The following DENND6B variants were observed in gnomAD, a reference collection of about 807,000 sequenced individuals.
DENND6B encodes the protein DENN domain containing 6B, also known as protein DENND6B.
DENND6B carries 73 observed loss-of-function variants against 85.1 expected under a neutral mutation model. The observed-to-expected ratio is 0.86, with a 90% CI of 0.71 to 1.04. The LOEUF (loss-of-function observed/expected upper bound fraction) is 1.04, where lower values mean the gene tolerates loss of function less well. Among genes scored for constraint, DENND6B ranks in the 50% least tolerant of loss-of-function variants. The pLI is 0.00. For synonymous variants in DENND6B, 357 were observed against 329.3 expected (o/e 1.08, Z -0.91); for missense variants, 715 against 785.8 (o/e 0.91, Z 1.08).
intron 1 of DENND6B, among the ~76,000 whole-genome samples, chr22:50,321,153 G>A (rs1208360720): frequency 6.6e-6 from 1 of 152,108 alleles, no homozygotes; most frequent in Non-Finnish European, 1.5e-5. Context: ...TTTGGAGAAG[G>A]CACATGCAGG....
At chr22:50,319,093 C>A (rs764521383) in intron 1 of DENND6B, 90 bp from the exon 2 acceptor site, 1 of 1,545,226 alleles carries the variant, frequency 6.5e-7, no homozygotes. Flanking sequence ...ACCGTCCCAG[C>A]AGCTGCAGCA....
chr22:50,314,565 G>A lies in DENND6B; in HGVS notation c.977+40C>T, dbSNP rs1018398902. ...AGGTGCAGGAAGGGCGAGAGGCAGG[G>A]CGGAGCAAGGGCAAGAGGCGGGGCA... On this transcript the variant is annotated intron_variant, in intron 11 of 19. Transcript: ENST00000413817. 3 of 1,554,884 alleles carry A rather than the reference G, an allele frequency of 1.9e-6. No individual in the cohort carries two copies. In the South Asian group the frequency reaches 3.6e-5, roughly 18 times the overall value.
chr22:50,322,552 T>C (rs2042078236), intron 1 of DENND6B, among the ~76,000 whole-genome samples: 1 of 152,168 alleles, frequency 6.6e-6, no homozygotes, highest in Non-Finnish European at 1.5e-5. Context: ...AATTTTTGTC[T>C]TTTTTTGTTT....
Position 50,317,287 on chromosome 22 carries a change from G to A in DENND6B, c.453+6C>T, listed in dbSNP as rs763382046. The A allele has an allele frequency of 3.2e-5, 51 of 1,612,406 alleles. 1 individual carries two copies. The highest frequency in any genetic ancestry group is 4.2e-5 in the Non-Finnish European group (50 of 1,179,526). On this transcript the variant is annotated splice_donor_region_variant and intron_variant, in intron 5 of 19. Coordinates refer to ENST00000413817, the MANE Select transcript of DENND6B (RefSeq NM_001001794.4). Reference sequence around the variant, plus strand: ...GGTGCCAGCCCAGAGTGGCCAAGCAGCGCACCTTCTGGAAGTAGCCCCTCT... The same window carrying A: ...GGTGCCAGCCCAGAGTGGCCAAGCAACGCACCTTCTGGAAGTAGCCCCTCT...
chr22:50,323,528 C>T (rs2042113744), intron 1 of DENND6B, among the ~76,000 whole-genome samples: 3 of 151,324 alleles, frequency 2.0e-5, no homozygotes, highest in South Asian at 2.1e-4. Context: ...TCATGCAATC[C>T]GCCTGCCTCA....
chr22:50,313,009 C>T lies in DENND6B; in HGVS notation c.1447G>A (p.Gly483Ser). 6.4e-7 allele frequency: 1 copy of T among 1,557,860 alleles called. No homozygotes were observed. The highest frequency in any genetic ancestry group is 8.7e-7 in the Non-Finnish European group (1 of 1,151,458). ...LTCILKGDWLGLYRRFFKSPH... is the reference protein window; with the variant it reads ...LTCILKGDWLSLYRRFFKSPH... Reference sequence around the variant, plus strand: ...CTGCAGTCCACGCACCTGTAGAGACCCAGCCAGTCGCCCTTGAGGATGCAG... The same window carrying T: ...CTGCAGTCCACGCACCTGTAGAGACTCAGCCAGTCGCCCTTGAGGATGCAG... The change falls in exon 17 of 20, where the codon GGT (glycine) becomes AGT (serine). Residue 483 changes from glycine to serine, a missense_variant. Transcript: ENST00000413817.
intron 13 of DENND6B, 138 bp downstream of exon 13, chr22:50,314,068 CA>C: frequency 7.7e-7 from 1 of 1,306,360 alleles, no homozygotes; most frequent in Non-Finnish European, 1.0e-6. Context: ...GACCCCTCCC[CA>C]AGGGTTCTGA....
At position 50,312,265 on chromosome 22, in the gene DENND6B, G is replaced by C. The variant is rs1259973821; in HGVS notation, c.1636-4C>G. 1.9e-5 allele frequency: 30 copies of C among 1,612,016 alleles called. No homozygotes were observed. The highest frequency in any genetic ancestry group is 2.5e-5 in the Non-Finnish European group (29 of 1,179,610). On this transcript the variant is annotated splice_polypyrimidine_tract_variant and splice_region_variant and intron_variant, in intron 19 of 19. Coordinates refer to ENST00000413817, the MANE Select transcript of DENND6B (RefSeq NM_001001794.4). The stretch of plus-strand genomic sequence containing the variant: ...GCTGGTGGCCCTGAGCCCGCACCTG[G>C]AGGGGCAGCCATGGTCAGGGCAGGC...
In DENND6B at chr22:50,315,744, A is replaced by G; in HGVS notation, c.728T>C (p.Leu243Pro). 3 of 1,554,592 alleles carry G rather than the reference A, an allele frequency of 1.9e-6. No homozygotes were observed. The highest frequency in any genetic ancestry group is 2.6e-6 in the Non-Finnish European group (3 of 1,151,010). ...CAGGTCCAGCTCGTGGACGCTAGCAAGAACCACTGGGGCTGGCAGCAGGTT... is the reference window on the plus strand; with the variant it reads ...CAGGTCCAGCTCGTGGACGCTAGCAGGAACCACTGGGGCTGGCAGCAGGTT... ...QENLLPAPVV[L>P]ASVHELDLFR... Residue 243 changes from leucine to proline, a missense_variant, in exon 9 of 20, where the codon CTT becomes CCT. Transcript: ENST00000413817.
At chr22:50,316,567 T>C (rs2041826818) in intron 5 of DENND6B, 92 bp from the exon 6 acceptor site, 4 of 1,545,234 alleles carry the variant, frequency 2.6e-6, no homozygotes, top group African/African-American at 2.7e-5. Flanking sequence ...CACGCTCACC[T>C]GGAGCTGGCC....
At chr22:50,313,404 C>A in intron 16 of DENND6B, 42 bp downstream of exon 16, 1 of 1,532,326 alleles carries the variant, frequency 6.5e-7, no homozygotes, top group South Asian at 1.2e-5. Flanking sequence ...GGAAGGGAAC[C>A]CGCCCTCCAT....
rs2068033445 is a variant in DENND6B, at chr22:50,309,497, T to G, written c.*2642A>C. 1 of 152,622 alleles carries G rather than the reference T, an allele frequency of 6.6e-6. No homozygotes were observed. The highest frequency in any genetic ancestry group is 1.5e-5 in the Non-Finnish European group (1 of 68,384). 9.5% of individuals were successfully genotyped at this position (152,622 alleles called of 1,614,324 possible). On this transcript the variant is annotated 3_prime_UTR_variant, in exon 20 of 20. Coordinates refer to ENST00000413817, the MANE Select transcript of DENND6B (RefSeq NM_001001794.4). ...CAAGAGGCATCCGGACAGATGGAGC[T>G]GGCAGGTCTCCACGCCCAGCCCCCA...
Position 50,313,844 on chromosome 22 carries a change from G to A in DENND6B, c.1173C>T (p.Arg391=), listed in dbSNP as rs749552283. 43 of 1,611,774 alleles carry A rather than the reference G, an allele frequency of 2.7e-5. No homozygotes were observed. The highest frequency in any genetic ancestry group is 1.3e-4 in the East Asian group (6 of 44,872). The change falls in exon 14 of 20, where the codon CGC becomes CGT. Residue 391 remains arginine, a synonymous_variant. Transcript: ENST00000413817. The part of the protein sequence containing the change: ...LYTAYTAHLH[R]DKALLKRLLK... ...GCAGCCGTTTGAGCAGCGCCTTGTC[G>A]CGGTGGAGGTGGGCCGTGTAAGCGG...
In DENND6B at chr22:50,319,320, C is replaced by A. The variant is rs1381462571; in HGVS notation, c.178-317G>T. The A allele has an allele frequency of 6.1e-6, 6 of 985,256 alleles. No individual in the cohort carries two copies. The Admixed American group carries it at 3.7e-4, about 61-fold the overall frequency. 61.0% of individuals were successfully genotyped at this position (985,256 alleles called of 1,614,324 possible). On this transcript the variant is annotated intron_variant, in intron 1 of 19. Coordinates refer to ENST00000413817, the MANE Select transcript of DENND6B (RefSeq NM_001001794.4). ...ACCAGGCCCCGGGCAACTCCCCTGC[C>A]GGCCAGAGGCTTCTCTACTCCCACC... is the stretch of plus-strand genomic sequence containing the variant.
At chr22:50,324,372 A>G (rs961921258) in intron 1 of DENND6B, among the ~76,000 whole-genome samples, 5 of 152,202 alleles carry the variant, frequency 3.3e-5, no homozygotes, top group Non-Finnish European at 7.4e-5. Context: ...ACTCACTTAC[A>G]TGCTGGGCAC....
intron 1 of DENND6B, among the ~76,000 whole-genome samples, chr22:50,320,045 T>C (rs988365049): frequency 6.6e-6 from 1 of 152,142 alleles, no homozygotes; most frequent in African/African-American, 2.4e-5. Flanking sequence ...CAGTGGGCCC[T>C]GCAATGTCTC....
In DENND6B at chr22:50,314,706, G is replaced by A; in HGVS notation, c.882-6C>T. On this transcript the variant is annotated splice_polypyrimidine_tract_variant and splice_region_variant and intron_variant, in intron 10 of 19. Coordinates refer to ENST00000413817, the MANE Select transcript of DENND6B (RefSeq NM_001001794.4). ...ACCTGAGGGGCTGCAGGCAGCTGTG[G>A]GCAGAGGCAGCAGGGAGCAGGTGAG... 1 of 1,567,096 alleles carries A rather than the reference G, an allele frequency of 6.4e-7. No individual in the cohort carries two copies. The highest frequency in any genetic ancestry group is 8.6e-7 in the Non-Finnish European group (1 of 1,156,764).
chr22:50,315,044 G>A (rs146507583), intron 9 of DENND6B, 123 bp from the exon 10 acceptor site: 64 of 1,353,760 alleles, frequency 4.7e-5, no homozygotes, highest in Non-Finnish European at 5.7e-5. Context: ...GCTGCTCCAG[G>A]GTGAAGACAG....
At chr22:50,315,675 G>A (rs1452277809) in intron 9 of DENND6B, 39 bp downstream of exon 9, 4 of 1,553,428 alleles carry the variant, frequency 2.6e-6, no homozygotes, top group South Asian at 2.4e-5. Flanking sequence ...CACACAGTGA[G>A]CTCCTCAAAA....
Sources: allele counts gnomAD v4.1 joint callset (sites outside exome capture counted in the v4.1 genomes callset), GRCh38; gene constraint gnomAD v4.1.1; transcripts MANE v1.5; gene names NCBI Gene and HGNC (gene_info 2026-07-23, HGNC 2026-07-21).